The following TRPM6 variants were observed in gnomAD, a reference collection of about 807,000 sequenced individuals.
TRPM6 encodes the protein channel kinase 2.
In TRPM6, 111 loss-of-function variants were observed where a neutral mutation model predicts 247.6. The ratio of observed to expected loss-of-function variants is 0.45; its 90% CI spans 0.38 to 0.52. The LOEUF (loss-of-function observed/expected upper bound fraction) is 0.52, where lower values mean the gene tolerates loss of function less well. Ranked by LOEUF, TRPM6 falls within the 20% of genes least tolerant of loss-of-function variation. The pLI is 0.00. For missense variants in TRPM6, 2,126 were observed against 2,421.5 expected, an observed-to-expected ratio of 0.88 and a Z score of 2.56; for synonymous variants, 892 against 853.8, an observed-to-expected ratio of 1.04 and a Z score of -0.78.
At position 74,797,646 on chromosome 9, in the gene TRPM6, A is replaced by C. The variant is rs186893431; in HGVS notation, c.2239-753T>G. Among the ~76,000 whole-genome samples the C allele has an allele frequency of 1.5e-3, 231 of 152,322 alleles. 1 individual carries two copies. Among genetic ancestry groups the C allele is most frequent in the African/African-American group, 5.1e-3 (212 of 41,572 alleles). The stretch of plus-strand genomic sequence containing the variant: ...AAGAGCCAACTGTATAGAAGAACAT[A>C]GAGTGATCCCATTTTTGTTAAAAAA... On this transcript the variant is annotated intron_variant, in intron 17 of 38. Coordinates refer to ENST00000360774, the MANE Select transcript of TRPM6 (RefSeq NM_017662.5).
chr9:74,880,095 GC>G (rs1236724524), intron 1 of TRPM6, among the ~76,000 whole-genome samples: 1 of 152,182 alleles, frequency 6.6e-6, no homozygotes, highest in African/African-American at 2.4e-5. Flanking sequence ...AGTCCTCTGT[GC>G]TGATTGTTGT....
chr9:74,839,297 A>G (rs1261186728), intron 5 of TRPM6, among the ~76,000 whole-genome samples: 2 of 152,222 alleles, frequency 1.3e-5, no homozygotes, highest in Non-Finnish European at 2.9e-5. Flanking sequence ...GGTTGTCCTT[A>G]TGTGCAGACA....
intron 15 of TRPM6, among the ~76,000 whole-genome samples, 163 bp from the exon 16 acceptor site, chr9:74,802,338 T>C (rs906107135): frequency 2.6e-5 from 4 of 152,176 alleles, no homozygotes; most frequent in African/African-American, 9.7e-5. Context: ...ATTTAGACCA[T>C]AAAAGGTAAT....
chr9:74,769,714 C>T (rs1025497010), intron 25 of TRPM6, among the ~76,000 whole-genome samples: 4 of 146,194 alleles, frequency 2.7e-5, no homozygotes, highest in African/African-American at 1.0e-4. Flanking sequence ...GCCAAGATCA[C>T]GCCGTGGCAC....
At chr9:74,795,648 G>A (rs956232520) in intron 18 of TRPM6, among the ~76,000 whole-genome samples, 5 of 152,102 alleles carry the variant, frequency 3.3e-5, no homozygotes, top group African/African-American at 7.2e-5. Context: ...CTTACCTACT[G>A]ACTCCTAATG....
Position 74,771,802 on chromosome 9 carries a change from A to G in TRPM6, c.3437T>C (p.Leu1146Pro), listed in dbSNP as rs1413280867. 1 of 1,613,798 alleles carries G rather than the reference A, an allele frequency of 6.2e-7. No individual in the cohort carries two copies. Among genetic ancestry groups the G allele is most frequent in the East Asian group, 2.2e-5 (1 of 44,868 alleles). ...CACGCACTGCTCCTCAAAATCATGA[A>G]GTTTTTTCAGATCCTCCTTACTGAG... ...LYLSKEDLKK[L>P]HDFEEQCVEK... is the part of the protein sequence containing the mutation. Residue 1146 changes from leucine (L) to proline (P), a missense_variant, in exon 25 of 39, where the codon CTT (leucine) becomes CCT (proline). This residue lies in a region of TRPM6 where 717 missense variants were observed against 715.9 expected (regional missense o/e 1.00). Transcript: ENST00000360774.
intron 9 of TRPM6, 139 bp downstream of exon 9, chr9:74,820,165 C>T (rs138603811): frequency 4.4e-6 from 4 of 919,064 alleles, no homozygotes; most frequent in Admixed American, 2.0e-5. Flanking sequence ...CTCCCTCCCC[C>T]CTCCACCCTG....
chr9:74,823,338 C>T (rs1286510902), intron 7 of TRPM6, among the ~76,000 whole-genome samples: 1 of 152,208 alleles, frequency 6.6e-6, no homozygotes, highest in Admixed American at 6.5e-5. Context: ...GGTTTCCAAA[C>T]TCAAGTCTGG....
chr9:74,862,722 C>T (rs529596028), intron 1 of TRPM6, among the ~76,000 whole-genome samples: 1 of 152,294 alleles, frequency 6.6e-6, no homozygotes, highest in African/African-American at 2.4e-5. Context: ...TGGCTCACGC[C>T]TGTAATCCCG....
intron 3 of TRPM6, among the ~76,000 whole-genome samples, chr9:74,854,393 T>C (rs898677189): frequency 1.3e-5 from 2 of 152,230 alleles, no homozygotes; most frequent in African/African-American, 4.8e-5. Flanking sequence ...TATATTCTTA[T>C]TTTGCTTTGC....
intron 7 of TRPM6, among the ~76,000 whole-genome samples, chr9:74,822,778 T>TA (rs1196096005): frequency 4.6e-5 from 7 of 152,120 alleles, no homozygotes; most frequent in African/African-American, 1.4e-4. Flanking sequence ...GTCATTCTTT[T>TA]AAAAAAGATG....
In TRPM6 at chr9:74,738,468, C is replaced by T; in HGVS notation, c.5715G>A (p.Leu1905=). Reference sequence around the variant, plus strand: ...ACTCATAGGTCCAGTGAGAGAAAGCCAACATCAGCTCCTCCAGGGTGTTGG... The same window carrying T: ...ACTCATAGGTCCAGTGAGAGAAAGCTAACATCAGCTCCTCCAGGGTGTTGG... The part of the protein sequence containing the change: ...TPTNTLEELM[L]AFSHWTYEYT... The change falls in exon 36 of 39, where the codon TTG becomes TTA. Residue 1905 remains leucine, a synonymous_variant. Coordinates refer to ENST00000360774, the MANE Select transcript of TRPM6 (RefSeq NM_017662.5). 6.2e-7 allele frequency: 1 copy of T among 1,614,122 alleles called. No homozygotes were observed. Among genetic ancestry groups the T allele is most frequent in the Admixed American group, 1.7e-5 (1 of 60,014 alleles).
intron 7 of TRPM6, among the ~76,000 whole-genome samples, chr9:74,825,760 G>A (rs1384150033): frequency 6.6e-6 from 1 of 152,074 alleles, no homozygotes; most frequent in African/African-American, 2.4e-5. Context: ...GCGCTGCACA[G>A]AACCCCACGC....
intron 14 of TRPM6, chr9:74,804,780 C>A: frequency 2.9e-6 from 2 of 701,394 alleles, no homozygotes; most frequent in East Asian, 2.6e-5. Flanking sequence ...TTAAGCTGCC[C>A]TTGCACGGGC....
chr9:74,855,227 T>C (rs1830488892), intron 3 of TRPM6, among the ~76,000 whole-genome samples: 1 of 152,266 alleles, frequency 6.6e-6, no homozygotes, highest in South Asian at 2.1e-4. Flanking sequence ...CGTATGCGCA[T>C]GCAGCATCTT....
At chr9:74,784,559 G>T (rs185386823) in intron 21 of TRPM6, among the ~76,000 whole-genome samples, 5 of 152,294 alleles carry the variant, frequency 3.3e-5, no homozygotes, top group Admixed American at 1.3e-4. Flanking sequence ...GAGAGTCAGT[G>T]AGTGATACAA....
chr9:74,877,218 G>A (rs757708327), intron 1 of TRPM6, among the ~76,000 whole-genome samples: 2 of 152,074 alleles, frequency 1.3e-5, no homozygotes, highest in Non-Finnish European at 2.9e-5. Flanking sequence ...CCACTCCTAG[G>A]TATCGCCCCA....
chr9:74,781,813 T>C (rs886436974), intron 23 of TRPM6, among the ~76,000 whole-genome samples: 7 of 152,164 alleles, frequency 4.6e-5, no homozygotes, highest in African/African-American at 1.7e-4. Context: ...ACATTGTACT[T>C]TCCCCCCACA....
chr9:74,867,198 T>C (rs1830872734), intron 1 of TRPM6, among the ~76,000 whole-genome samples: 1 of 152,190 alleles, frequency 6.6e-6, no homozygotes, highest in South Asian at 2.1e-4. Flanking sequence ...TTTTAGATCA[T>C]TGTGTATTCA....
Sources: gnomAD v4.1 joint callset for allele counts (sites outside exome capture counted in the v4.1 genomes callset) on GRCh38, gnomAD v4.1.1 for gene constraint, gnomAD v4.1.1 regional missense constraint, MANE v1.5 for transcripts, NCBI Gene and HGNC (gene_info 2026-07-23, HGNC 2026-07-21) for gene names.